Variants in ORC6 observed in about 807,000 individuals in gnomAD.
The protein encoded by ORC6 is origin recognition complex, subunit 6 homolog-like (yeast).
A neutral mutation model predicts 30.0 loss-of-function variants in ORC6; 31 were observed. That is an observed-to-expected ratio of 1.03 (90% CI 0.78 to 1.40). ORC6 has a LOEUF of 1.40. ORC6 is among the 40% of genes most tolerant of loss of function. The pLI, the probability that ORC6 is intolerant of heterozygous loss-of-function variation, is 0.00. For missense variants in ORC6, 340 were observed against 304.3 expected (o/e 1.12, Z -0.87); for synonymous variants, 136 against 111.2 (o/e 1.22, Z -1.40).
intron 4 of ORC6, 161 bp from the exon 5 acceptor site, chr16:46,695,396 CAACTA>C (rs1966506864): frequency 1.6e-6 from 1 of 618,828 alleles, no homozygotes; most frequent in African/African-American, 1.8e-5. Context: ...GTCCAATAAA[CAACTA>C]AACAACTTAG....
chr16:46,692,892 G>GT (rs1032880916), intron 3 of ORC6, among the ~76,000 whole-genome samples: 2 of 151,204 alleles, frequency 1.3e-5, no homozygotes, highest in African/African-American at 2.4e-5. Flanking sequence ...GTGGCGGTGG[G>GT]GGGGACCAGA....
rs764298945 is a variant in ORC6 at position 46,697,461 on chromosome 16, T to C, written c.635T>C (p.Met212Thr). 2 of 1,612,332 alleles carry C rather than the reference T, an allele frequency of 1.2e-6. No individual in the cohort carries two copies. The highest frequency in any genetic ancestry group is 1.6e-4 in the Middle Eastern group (1 of 6,062). Residue 212 changes from methionine to threonine, a missense_variant, in exon 7 of 7, where the codon ATG (methionine) becomes ACG (threonine). Physicochemically the swap from Met to Thr is moderately conservative, Grantham distance 81. Coordinates refer to ENST00000219097, the MANE Select transcript of ORC6 (RefSeq NM_014321.4). ...KIVVEAPAKE[M>T]EKVEEMPHKP... The stretch of plus-strand genomic sequence containing the variant: ...GCTTTTGATAATTTTCTGTCAGAAA[T>C]GGAGAAGGTAGAGGAGATGCCACAT...
intron 2 of ORC6, among the ~76,000 whole-genome samples, chr16:46,691,958 A>ACACACACACACACACTCTCTCTCT: frequency 8.2e-4 from 30 of 36,658 alleles, no homozygotes; most frequent in African/African-American, 2.9e-3. Flanking sequence ...ACACACACAC[A>ACACACACACACACACTCTCTCTCT]CTCTCTCTCT....
At chr16:46,697,362 C>T in intron 6 of ORC6, 96 bp from the exon 7 acceptor site, 1 of 1,162,648 alleles carries the variant, frequency 8.6e-7, no homozygotes, top group South Asian at 1.4e-5. Context: ...ATTTCAGTAT[C>T]TTTTCTATTT....
chr16:46,689,898 G>A (rs1035428469), intron 1 of ORC6, 128 bp downstream of exon 1: 6 of 1,339,660 alleles, frequency 4.5e-6, no homozygotes, highest in African/African-American at 1.5e-5. Context: ...GCCGGGCGGG[G>A]TTTAGGGCCT....
chr16:46,697,603 G>T lies in ORC6; in HGVS notation c.*18G>T, dbSNP rs756463300. On this transcript the variant is annotated 3_prime_UTR_variant, in exon 7 of 7. Transcript: ENST00000219097. ...CAGAGTGATTTCAGCTTCCAAACTGGTATACATTCCAAACTGATAGTACAT... is the reference window on the plus strand; with the variant it reads ...CAGAGTGATTTCAGCTTCCAAACTGTTATACATTCCAAACTGATAGTACAT... 1.2e-6 allele frequency: 2 copies of T among 1,613,080 alleles called. No individual in the cohort carries two copies. The highest frequency in any genetic ancestry group is 2.7e-5 in the African/African-American group (2 of 74,892).
At chr16:46,689,802 C>G (rs115482842) in intron 1 of ORC6, 32 bp downstream of exon 1, 1 of 1,562,114 alleles carries the variant, frequency 6.4e-7, no homozygotes, top group South Asian at 1.2e-5. Context: ...CAGGGCTGGG[C>G]TTCCGCCTCG....
In ORC6 at chr16:46,693,180, C is replaced by T; in HGVS notation, c.447C>T (p.Cys149=). ...LFTSAALLSA[C]KILKLKVDKN... is the part of the protein sequence containing the mutation. ...CTTCTGCTGCACTGCTTTCAGCATG[C>T]AAGTAGGTATTTCATTAAACATTCA... Residue 149 remains cysteine (C), a splice_region_variant and synonymous_variant, in exon 4 of 7, where the codon TGC becomes TGT. Transcript: ENST00000219097. The T allele has an allele frequency of 1.3e-6, 2 of 1,599,130 alleles. No homozygotes were observed. The highest frequency in any genetic ancestry group is 1.7e-6 in the Non-Finnish European group (2 of 1,166,420).
In ORC6 at chr16:46,689,700, G is replaced by C; in HGVS notation, c.-6G>C. 2 of 1,599,084 alleles carry C rather than the reference G, an allele frequency of 1.3e-6. No homozygotes were observed. Among genetic ancestry groups the C allele is most frequent in the Non-Finnish European group, 1.7e-6 (2 of 1,172,764 alleles). On this transcript the variant is annotated 5_prime_UTR_variant, in exon 1 of 7. Coordinates refer to ENST00000219097, the MANE Select transcript of ORC6 (RefSeq NM_014321.4). The stretch of plus-strand genomic sequence containing the variant: ...CACGGGAATTGTTCGCTTTAGTGCC[G>C]GCGCCATGGGGTCGGAGCTGATCGG...
chr16:46,691,388 A>AG (rs1194788025), intron 2 of ORC6, among the ~76,000 whole-genome samples: 3 of 151,868 alleles, frequency 2.0e-5, no homozygotes, highest in African/African-American at 7.2e-5. Flanking sequence ...CTCCTTTTAA[A>AG]GCACGTATTT....
chr16:46,692,449 GT>G lies in ORC6; in HGVS notation c.266del (p.Leu89TyrfsTer4). ...CAGAGCTGTCTTAAATCTTTTGAGT[GT>G]TTACTGGGCCTGAATTCAAATATTG... is the stretch of plus-strand genomic sequence containing the variant. ...TYQSCLKSFE[C>X]LLGLNSNIGI... is the part of the protein sequence containing the mutation. On this transcript the variant is annotated frameshift_variant, in exon 3 of 7. Coordinates refer to ENST00000219097, the MANE Select transcript of ORC6 (RefSeq NM_014321.4). LOFTEE classifies it high-confidence loss of function. 1 of 1,613,592 alleles carries G rather than the reference GT, an allele frequency of 6.2e-7. No individual in the cohort carries two copies. The highest frequency in any genetic ancestry group is 8.5e-7 in the Non-Finnish European group (1 of 1,179,526).
At chr16:46,693,989 AG>A (rs1966485748) in intron 4 of ORC6, 1 of 79,572 alleles carries the variant, frequency 1.3e-5, no homozygotes, top group African/African-American at 5.1e-5. Flanking sequence ...TGGTTTTCCT[AG>A]GCAGAGGACC....
At chr16:46,692,271 C>G in intron 2 of ORC6, 111 bp from the exon 3 acceptor site, 5 of 891,780 alleles carry the variant, frequency 5.6e-6, no homozygotes, top group Non-Finnish European at 8.9e-6. Flanking sequence ...GAGTGACTTG[C>G]CACAAAATTA....
chr16:46,691,550 T>C (rs941031487), intron 2 of ORC6, among the ~76,000 whole-genome samples: 1 of 152,230 alleles, frequency 6.6e-6, no homozygotes, highest in African/African-American at 2.4e-5. Context: ...AGATAAAATA[T>C]CCAATTTCGC....
rs758376049 is a variant in ORC6 at position 46,689,732 on chromosome 16, A to G, written c.27A>G (p.Leu9=). 5.4e-5 allele frequency: 86 copies of G among 1,602,406 alleles called. 1 individual carries two copies. The South Asian group carries it at 6.6e-4, about 12-fold the overall frequency. The change falls in exon 1 of 7, where the codon CTA becomes CTG. Residue 9 remains leucine (L), a synonymous_variant. Transcript: ENST00000219097. ...TGGGGTCGGAGCTGATCGGGCGCCT[A>G]GCCCCGCGCCTGGGCCTCGCCGAGC... MGSELIGR[L]APRLGLAEPD...
At chr16:46,691,748 T>A (rs1274194986) in intron 2 of ORC6, among the ~76,000 whole-genome samples, 1 of 152,240 alleles carries the variant, frequency 6.6e-6, no homozygotes, top group African/African-American at 2.4e-5. Flanking sequence ...CAATGATTTG[T>A]GGCTTTGAAA....
chr16:46,697,205 G>A (rs1218470200), intron 6 of ORC6, among the ~76,000 whole-genome samples: 1 of 152,136 alleles, frequency 6.6e-6, no homozygotes, highest in Non-Finnish European at 1.5e-5. Context: ...AGGTGTGATA[G>A]TGTGAGCCTA....
At chr16:46,693,570 CAGGAGGACTGCTTGAGGCA>C (rs1045419927) in intron 4 of ORC6, 1 of 297,622 alleles carries the variant, frequency 3.4e-6, no homozygotes, top group Admixed American at 4.8e-5. Flanking sequence ...GAGGCAGAGG[CAGGAGGACTGCTTGAGGCA>C]AGGAGTTCAA....
chr16:46,692,880 C>T (rs1289727667), intron 3 of ORC6, among the ~76,000 whole-genome samples: 4 of 29,070 alleles, frequency 1.4e-4, no homozygotes, highest in East Asian at 1.1e-3. Flanking sequence ...GGCGGGGCGG[C>T]GGTGGCGGTG....
Sources: allele counts gnomAD v4.1 joint callset (sites outside exome capture counted in the v4.1 genomes callset), GRCh38; gene constraint gnomAD v4.1.1; transcripts MANE v1.5; gene names NCBI Gene and HGNC (gene_info 2026-07-23, HGNC 2026-07-21).